AKAP13: variants seen among roughly 807,000 people sequenced by gnomAD.
AKAP13 encodes the protein A-kinase anchoring protein 13.
In AKAP13, 80 loss-of-function variants were observed where a neutral mutation model predicts 264.5. The observed-to-expected ratio is 0.30, with a 90% CI of 0.25 to 0.36. The LOEUF is 0.36. Among genes scored for constraint, AKAP13 ranks in the 10% least tolerant of loss-of-function variants. The pLI, the probability that AKAP13 is intolerant of heterozygous loss-of-function variation, is 1.00. For missense variants in AKAP13, 3,712 were observed against 3,435.2 expected, an observed-to-expected ratio of 1.08 and a Z score of -2.01; for synonymous variants, 1,380 against 1,250.2, an observed-to-expected ratio of 1.10 and a Z score of -2.19.
intron 8 of AKAP13, among the ~76,000 whole-genome samples, chr15:85,630,234 A>AACACAC (rs71141472): frequency 0.042 from 5,028 of 119,098 alleles, 178 homozygotes; most frequent in African/African-American, 0.068. Context: ...GGAAAATTGT[A>AACACAC]ACACACACAC....
At chr15:85,534,274 A>C (rs1347866056) in intron 4 of AKAP13, 1 of 221,394 alleles carries the variant, frequency 4.5e-6, no homozygotes, top group Non-Finnish European at 8.8e-6. Flanking sequence ...ATAGCCTGGA[A>C]GTGAAGGAGA....
chr15:85,455,121 C>G (rs1279247936), intron 1 of AKAP13, among the ~76,000 whole-genome samples: 10 of 152,118 alleles, frequency 6.6e-5, no homozygotes, highest in Non-Finnish European at 1.5e-4. Flanking sequence ...TTGGTACATC[C>G]TTTTAGCCTT....
At chr15:85,412,333 A>C (rs151053023) in intron 1 of AKAP13, among the ~76,000 whole-genome samples, 2 of 152,230 alleles carry the variant, frequency 1.3e-5, no homozygotes, top group African/African-American at 2.4e-5. Context: ...TTGGGTATCT[A>C]TTTGAGGCAA....
chr15:85,560,798 T>C (rs1375033537), intron 5 of AKAP13, among the ~76,000 whole-genome samples: 1 of 152,240 alleles, frequency 6.6e-6, no homozygotes, highest in Non-Finnish European at 1.5e-5. Context: ...TTCCTTAGGC[T>C]AAATTTCAAG....
chr15:85,431,775 G>A (rs1015676077), intron 1 of AKAP13, among the ~76,000 whole-genome samples: 2 of 152,164 alleles, frequency 1.3e-5, no homozygotes, highest in Admixed American at 1.3e-4. Flanking sequence ...ATTCTTGCTT[G>A]TAGGCAATAT....
In AKAP13 at chr15:85,580,258, T is replaced by G. The variant is rs146531116; in HGVS notation, c.2190T>G (p.Asp730Glu). 6.2e-7 allele frequency: 1 copy of G among 1,614,072 alleles called. No individual in the cohort carries two copies. Among genetic ancestry groups the G allele is most frequent in the African/African-American group, 1.3e-5 (1 of 74,930 alleles). Residue 730 changes from aspartate to glutamate, a missense_variant, in exon 7 of 37, where the codon GAT (aspartate) becomes GAG (glutamate). Asp to Glu is a conservative substitution (Grantham distance 45). Coordinates refer to ENST00000394518, the MANE Select transcript of AKAP13 (RefSeq NM_007200.5). Reference sequence around the variant, plus strand: ...TAAGGGATACCCAGGAACGTGCGGATTTTTGTCCTTTCAAAGTGGTGGATA... The same window carrying G: ...TAAGGGATACCCAGGAACGTGCGGAGTTTTGTCCTTTCAAAGTGGTGGATA... Reference protein sequence around the residue: ...DPVRDTQERADFCPFKVVDNK... With the variant: ...DPVRDTQERAEFCPFKVVDNK...
chr15:85,494,568 T>C (rs939687628), intron 2 of AKAP13, among the ~76,000 whole-genome samples: 1 of 152,178 alleles, frequency 6.6e-6, no homozygotes, highest in East Asian at 1.9e-4. Context: ...GAATGGACTT[T>C]ATGGGAGAGG....
At chr15:85,567,524 A>C (rs1465604807) in intron 5 of AKAP13, among the ~76,000 whole-genome samples, 1 of 152,214 alleles carries the variant, frequency 6.6e-6, no homozygotes, top group Non-Finnish European at 1.5e-5. Flanking sequence ...ATTATTATGA[A>C]GAGAAAAGGA....
intron 36 of AKAP13, 21 bp downstream of exon 36, chr15:85,743,846 C>T (rs762776114): frequency 3.1e-6 from 5 of 1,590,272 alleles, no homozygotes; most frequent in Non-Finnish European, 3.4e-6. Context: ...CACACCTGCT[C>T]TCCCTGTGGC....
intron 1 of AKAP13, among the ~76,000 whole-genome samples, chr15:85,413,939 T>G (rs1337761372): frequency 6.6e-6 from 1 of 152,222 alleles, no homozygotes; most frequent in African/African-American, 2.4e-5. Flanking sequence ...AAAGAATATA[T>G]GTATATTTTA....
intron 2 of AKAP13, among the ~76,000 whole-genome samples, chr15:85,500,419 T>C (rs1469653665): frequency 1.3e-5 from 2 of 152,206 alleles, no homozygotes; most frequent in African/African-American, 4.8e-5. Flanking sequence ...AGTATGTTGA[T>C]TGTAACATTT....
intron 8 of AKAP13, among the ~76,000 whole-genome samples, chr15:85,601,566 A>G (rs1350510926): frequency 6.7e-6 from 1 of 148,898 alleles, no homozygotes; most frequent in Admixed American, 6.7e-5. Flanking sequence ...TAAACTGCCA[A>G]TTTAGGGAAC....
At chr15:85,526,382 C>T (rs1427302390) in intron 3 of AKAP13, among the ~76,000 whole-genome samples, 4 of 152,154 alleles carry the variant, frequency 2.6e-5, no homozygotes, top group African/African-American at 9.7e-5. Flanking sequence ...ACCTCAGCCT[C>T]CCAAGTAGCA....
chr15:85,413,089 G>C (rs1333395905), intron 1 of AKAP13, among the ~76,000 whole-genome samples: 1 of 152,236 alleles, frequency 6.6e-6, no homozygotes, highest in Non-Finnish European at 1.5e-5. Context: ...AGAAAAGTTT[G>C]TAAGTCGGCA....
At chr15:85,463,563 C>T (rs1306072250) in intron 1 of AKAP13, among the ~76,000 whole-genome samples, 1 of 152,158 alleles carries the variant, frequency 6.6e-6, no homozygotes, top group African/African-American at 2.4e-5. Context: ...TTGAAACATG[C>T]CAGGGCTGGT....
At chr15:85,491,506 A>ATTATATATT (rs2075724538) in intron 2 of AKAP13, among the ~76,000 whole-genome samples, 1 of 146,256 alleles carries the variant, frequency 6.8e-6, no homozygotes, top group African/African-American at 2.5e-5. Context: ...TTTATTATAT[A>ATTATATATT]TTATATATTA....
chr15:85,625,967 GCTTA>G (rs2081391442), intron 8 of AKAP13, among the ~76,000 whole-genome samples: 1 of 152,202 alleles, frequency 6.6e-6, no homozygotes, highest in African/African-American at 2.4e-5. Context: ...CTCTTAAGCA[GCTTA>G]CTTTATAGTA....
intron 8 of AKAP13, among the ~76,000 whole-genome samples, chr15:85,618,778 C>A (rs569638333): frequency 1.3e-5 from 2 of 152,330 alleles, no homozygotes; most frequent in South Asian, 4.1e-4. Context: ...CACAGAACTC[C>A]TTTGTTCCAC....
chr15:85,629,068 A>C (rs1413269076), intron 8 of AKAP13, among the ~76,000 whole-genome samples: 9 of 152,112 alleles, frequency 5.9e-5, no homozygotes, highest in Non-Finnish European at 1.3e-4. Flanking sequence ...ATGGTGGCAC[A>C]TGCCTGTAGT....
Sources: gnomAD v4.1 joint callset for allele counts (sites outside exome capture counted in the v4.1 genomes callset) on GRCh38, gnomAD v4.1.1 for gene constraint, MANE v1.5 for transcripts, NCBI Gene and HGNC (gene_info 2026-07-23, HGNC 2026-07-21) for gene names.